The following ZNF385D variants were observed in gnomAD, a reference collection of about 807,000 sequenced individuals.
The protein encoded by ZNF385D is zinc finger protein 659.
A neutral mutation model predicts 35.8 loss-of-function variants in ZNF385D; 15 were observed. That is an observed-to-expected ratio of 0.42 (90% confidence interval 0.28 to 0.64). ZNF385D has a LOEUF of 0.64. Ranked by LOEUF, ZNF385D falls within the 30% of genes least tolerant of loss-of-function variation. ZNF385D has a pLI of 0.23. For synonymous variants in ZNF385D, 212 were observed against 186.8 expected (o/e 1.13, Z -1.10); for missense variants, 474 against 494.6 (o/e 0.96, Z 0.39).
chr3:21,976,506 A>G (rs902793823), intron 3 of ZNF385D, among the ~76,000 whole-genome samples: 1 of 152,324 alleles, frequency 6.6e-6, no homozygotes, highest in South Asian at 2.1e-4. Flanking sequence ...AGATAGATCA[A>G]AAGAAAATAT....
intron 3 of ZNF385D, among the ~76,000 whole-genome samples, chr3:22,042,181 T>A (rs1199370581): frequency 6.6e-6 from 1 of 152,124 alleles, no homozygotes; most frequent in Non-Finnish European, 1.5e-5. Flanking sequence ...CAAACTCTTT[T>A]GTCACGGCTC....
intron 2 of ZNF385D, among the ~76,000 whole-genome samples, chr3:22,319,261 G>A (rs557818241): frequency 8.2e-4 from 124 of 152,122 alleles, no homozygotes; most frequent in African/African-American, 2.9e-3. Flanking sequence ...AACATTTGAA[G>A]TATTAGTTAA....
intron 2 of ZNF385D, among the ~76,000 whole-genome samples, chr3:22,321,071 C>G (rs9813743): frequency 6.6e-6 from 1 of 150,918 alleles, no homozygotes; most frequent in Admixed American, 6.6e-5. Context: ...GTTTCAGAAA[C>G]TGTACTGTCA....
chr3:21,603,350 T>C lies in ZNF385D; in HGVS notation c.166-38666A>G, dbSNP rs1436111445. Among the ~76,000 whole-genome samples the C allele has an allele frequency of 2.0e-5, 3 of 151,502 alleles. No homozygotes were observed. The South Asian group carries it at 6.2e-4, about 31-fold the overall frequency. ...GGGAATTTGGCAATGTCTTTGGAAG[T>C]TAAAAGTGTGTCCCTTCAGACCCAG... On this transcript the variant is annotated intron_variant, in intron 2 of 7. Transcript: ENST00000281523.
chr3:22,275,214 T>A (rs141324015), intron 2 of ZNF385D, among the ~76,000 whole-genome samples: 249 of 152,172 alleles, frequency 1.6e-3, no homozygotes, highest in African/African-American at 5.9e-3. Context: ...TTAATCAGAG[T>A]GAAACCTGAT....
intron 3 of ZNF385D, among the ~76,000 whole-genome samples, chr3:21,806,067 A>G (rs555987535): frequency 6.6e-6 from 1 of 152,164 alleles, no homozygotes; most frequent in Non-Finnish European, 1.5e-5. Context: ...ATTCATATGC[A>G]TGTTAGCTAA....
At chr3:21,448,981 CT>C (rs937242899) in intron 4 of ZNF385D, among the ~76,000 whole-genome samples, 7 of 151,726 alleles carry the variant, frequency 4.6e-5, no homozygotes, top group African/African-American at 9.7e-5. Flanking sequence ...GTCGATCTTT[CT>C]TTTTTTTCTG....
At chr3:21,476,309 A>T (rs1353605080) in intron 4 of ZNF385D, among the ~76,000 whole-genome samples, 2 of 152,104 alleles carry the variant, frequency 1.3e-5, no homozygotes, top group Admixed American at 6.6e-5. Flanking sequence ...CCTAAAACAG[A>T]TCTGACAAAG....
At chr3:22,015,333 A>C (rs568390052) in intron 3 of ZNF385D, among the ~76,000 whole-genome samples, 7 of 152,178 alleles carry the variant, frequency 4.6e-5, no homozygotes, top group African/African-American at 7.2e-5. Flanking sequence ...TCAGTTGTCT[A>C]TGCACCATAA....
intron 3 of ZNF385D, among the ~76,000 whole-genome samples, chr3:22,098,641 T>C (rs770246001): frequency 4.6e-5 from 7 of 152,094 alleles, no homozygotes; most frequent in Non-Finnish European, 8.8e-5. Context: ...AGGCTTGCCA[T>C]GTAGGCATGG....
Position 22,164,216 on chromosome 3 carries a change from C to CTTTTTT in ZNF385D, c.325+4595_325+4600dup, listed in dbSNP as rs571978176. ...CACTATAGGTAATACAAAAGGAGCA[C>CTTTTTT]TTTTTTTTTTTTTTTTTTTTTTTTT... is the stretch of plus-strand genomic sequence containing the variant. On this transcript the variant is annotated intron_variant, in intron 3 of 5. Coordinates refer to the ZNF385D transcript ENST00000494108. Among the ~76,000 whole-genome samples the CTTTTTT allele has an allele frequency of 1.1e-3, 83 of 74,946 alleles. 7 individuals carry two copies. The highest frequency in any genetic ancestry group is 1.3e-3 in the Non-Finnish European group (52 of 39,770). 49.2% of individuals were successfully genotyped at this position (74,946 alleles called of 152,430 possible). A position where few individuals can be genotyped will look rare whatever the true frequency, so the allele number is the denominator to read the frequency against.
At chr3:21,449,957 A>C (rs1425762005) in intron 4 of ZNF385D, among the ~76,000 whole-genome samples, 7 of 152,316 alleles carry the variant, frequency 4.6e-5, no homozygotes, top group Non-Finnish European at 8.8e-5. Flanking sequence ...GCCAGGACAC[A>C]ACAGTCAATT....
At chr3:21,928,945 GAGA>G (rs1700875536) in intron 3 of ZNF385D, among the ~76,000 whole-genome samples, 1 of 152,140 alleles carries the variant, frequency 6.6e-6, no homozygotes, top group African/African-American at 2.4e-5. Flanking sequence ...CAAGGAAACA[GAGA>G]AGGTGAGAAC....
chr3:21,921,487 ATTTC>A (rs1467824628), intron 3 of ZNF385D, among the ~76,000 whole-genome samples: 1 of 151,928 alleles, frequency 6.6e-6, no homozygotes, highest in Non-Finnish European at 1.5e-5. Flanking sequence ...TAAATCTTGT[ATTTC>A]TTTATTTTTC....
intron 1 of ZNF385D, among the ~76,000 whole-genome samples, chr3:21,676,577 G>C (rs2066737086): frequency 6.6e-6 from 1 of 152,046 alleles, no homozygotes; most frequent in Non-Finnish European, 1.5e-5. Context: ...TTTATAAGGA[G>C]TCCTGTCCCT....
At chr3:21,704,186 G>A (rs1223640188) in intron 1 of ZNF385D, among the ~76,000 whole-genome samples, 4 of 152,114 alleles carry the variant, frequency 2.6e-5, no homozygotes, top group Non-Finnish European at 4.4e-5. Flanking sequence ...TATTTTTGAG[G>A]TGACATTGCC....
intron 3 of ZNF385D, among the ~76,000 whole-genome samples, chr3:22,145,792 G>A (rs1704812697): frequency 6.6e-6 from 1 of 152,136 alleles, no homozygotes; most frequent in South Asian, 2.1e-4. Context: ...TAAGAGTGGA[G>A]GCCAGTGGTT....
rs116290025 is a variant in ZNF385D at position 21,995,087 on chromosome 3, C to T, written c.325+173730G>A. ...AAATAAGTGGATAGGTCGTCAGGCCCCTGGGCAGTGTGCATGACATCATTT... is the reference window on the plus strand; with the variant it reads ...AAATAAGTGGATAGGTCGTCAGGCCTCTGGGCAGTGTGCATGACATCATTT... On this transcript the variant is annotated intron_variant, in intron 3 of 5. Transcript: ENST00000494108. Among the ~76,000 whole-genome samples the T allele has an allele frequency of 6.4e-3, 976 of 152,314 alleles. 9 individuals are homozygous for T. The highest frequency in any genetic ancestry group is 0.022 in the African/African-American group (905 of 41,578).
At chr3:21,837,168 G>T (rs1695381431) in intron 3 of ZNF385D, among the ~76,000 whole-genome samples, 1 of 152,038 alleles carries the variant, frequency 6.6e-6, no homozygotes, top group Non-Finnish European at 1.5e-5. Flanking sequence ...CTCTCTACAG[G>T]CCTCCCTCCT....
Sources: allele counts gnomAD v4.1 joint callset (sites outside exome capture counted in the v4.1 genomes callset), GRCh38; gene constraint gnomAD v4.1.1; transcripts MANE v1.5; gene names NCBI Gene and HGNC (gene_info 2026-07-23, HGNC 2026-07-21).